Variants in ZAN observed in about 807,000 individuals in gnomAD.
The protein encoded by ZAN is zonadhesin.
A neutral mutation model predicts 286.2 loss-of-function variants in ZAN; 260 were observed. That is an observed-to-expected ratio of 0.91 (90% CI 0.82 to 1.01). The LOEUF (loss-of-function observed/expected upper bound fraction) is 1.01, where lower values mean the gene tolerates loss of function less well. Ranked by LOEUF, ZAN falls within the 50% of genes least tolerant of loss-of-function variation. The probability of loss-of-function intolerance (pLI) is 0.00; values close to 1 mark genes in which losing one functional copy is unlikely to be tolerated. For synonymous variants in ZAN, 1,368 were observed against 1,417.5 expected (o/e 0.97, Z 0.79); for missense variants, 3,410 against 3,639.2 (o/e 0.94, Z 1.62).
chr7:100,751,448 T>C (rs970349901), intron 13 of ZAN, among the ~76,000 whole-genome samples, 182 bp downstream of exon 13: 3 of 152,222 alleles, frequency 2.0e-5, no homozygotes, highest in Non-Finnish European at 4.4e-5. Flanking sequence ...CCTGGGTGAA[T>C]GTGGCTTCGA....
At position 100,737,346 on chromosome 7, in the gene ZAN, C is replaced by T. The variant is rs267601184; in HGVS notation, c.610C>T (p.Arg204Cys). 3 of 1,459,656 alleles carry T rather than the reference C, an allele frequency of 2.1e-6. No individual in the cohort carries two copies. The highest frequency in any genetic ancestry group is 2.4e-5 in the South Asian group (2 of 82,122). The allele number at this position is 1,459,656 out of a possible 1,614,324, so 90.4% of individuals were successfully genotyped here. ...ALSIRRGSCN[R>C]VCMMQTCSFD... is the part of the protein sequence containing the mutation. ...CTCTATCCGCCGGGGCTCCTGTAAT[C>T]GCGGTGAGTCCCTGTCCCTCCTCCC... Residue 204 changes from arginine (R) to cysteine (C), a missense_variant, in exon 6 of 48, where the codon CGC becomes TGC. Around this residue, in one of 7 missense-constraint regions of ZAN, gnomAD observed 872 missense variants for 938.9 expected, o/e 0.93. Coordinates refer to ENST00000613979, the MANE Select transcript of ZAN (RefSeq NM_003386.3).
At position 100,797,365 on chromosome 7, in the gene ZAN, G is replaced by C; in HGVS notation, c.8267-1G>C. 1 of 1,613,680 alleles carries C rather than the reference G, an allele frequency of 6.2e-7. No individual in the cohort carries two copies. The highest frequency in any genetic ancestry group is 8.5e-7 in the Non-Finnish European group (1 of 1,179,716). Reference sequence around the variant, plus strand: ...TAATGTCTCTTCCCCGCACCCAGAAGCATCTAACCTGGTGGGCGTCCTACT... The same window carrying C: ...TAATGTCTCTTCCCCGCACCCAGAACCATCTAACCTGGTGGGCGTCCTACT... On this transcript the variant is annotated splice_acceptor_variant, in intron 45 of 47. Coordinates refer to ENST00000613979, the MANE Select transcript of ZAN (RefSeq NM_003386.3). LOFTEE classifies it high-confidence loss of function.
At chr7:100,793,196 G>A (rs185212891) in intron 42 of ZAN, among the ~76,000 whole-genome samples, 214 of 151,138 alleles carry the variant, frequency 1.4e-3, no homozygotes, top group Admixed American at 2.4e-3. Context: ...CAAATTGGCC[G>A]GGTGTGGTGG....
chr7:100,760,352 C>T, intron 18 of ZAN, 39 bp from the exon 19 acceptor site: 1 of 1,606,368 alleles, frequency 6.2e-7, no homozygotes, highest in Admixed American at 1.7e-5. Context: ...TCCTTGACCC[C>T]CAGCTCTGTC....
intron 42 of ZAN, chr7:100,792,694 C>A (rs1812069414): frequency 7.9e-7 from 1 of 1,273,054 alleles, no homozygotes; most frequent in Non-Finnish European, 1.0e-6. Context: ...CAAGTCAGCA[C>A]AACCGGCAGC....
chr7:100,756,708 T>G (rs2115903646), intron 15 of ZAN, among the ~76,000 whole-genome samples: 1 of 152,160 alleles, frequency 6.6e-6, no homozygotes, highest in South Asian at 2.1e-4. Flanking sequence ...GTTTTTTTTT[T>G]TTTGACAAAC....
chr7:100,753,657 C>T (rs978271018), intron 14 of ZAN, among the ~76,000 whole-genome samples: 2 of 142,666 alleles, frequency 1.4e-5, no homozygotes, highest in African/African-American at 5.1e-5. Flanking sequence ...ACCCTGTCTC[C>T]ACTTTAAAAT....
intron 37 of ZAN, 83 bp from the exon 38 acceptor site, chr7:100,787,806 C>T: frequency 7.4e-7 from 1 of 1,347,726 alleles, no homozygotes; most frequent in Non-Finnish European, 9.7e-7. Context: ...AGGTCATCCA[C>T]CCGCCTTGGC....
rs540317881 is a variant in ZAN at position 100,792,757 on chromosome 7, C to T, written c.7787+278C>T. On this transcript the variant is annotated intron_variant, in intron 42 of 47. Coordinates refer to ENST00000613979, the MANE Select transcript of ZAN (RefSeq NM_003386.3). ...AGCCTCCCAACCCCATCCCGCATCC[C>T]GCTCCTTCCTGCCAAGGTCCACCTT... Among the ~76,000 whole-genome samples the T allele has an allele frequency of 6.6e-4, 101 of 152,124 alleles. 1 individual carries two copies. Among genetic ancestry groups the T allele is most frequent in the African/African-American group, 2.3e-3 (97 of 41,522 alleles).
At chr7:100,739,464 T>C (rs1807591103) in intron 7 of ZAN, among the ~76,000 whole-genome samples, 1 of 137,254 alleles carries the variant, frequency 7.3e-6, no homozygotes, top group African/African-American at 2.6e-5. Flanking sequence ...AATATAGTTA[T>C]AAAGTGAGCG....
rs71517126 is a variant in ZAN at position 100,758,085 on chromosome 7, CAAATAAATAAATAAATAAATAAAT to C, written c.3310-96_3310-73del. On this transcript the variant is annotated intron_variant, in intron 15 of 47. Coordinates refer to ENST00000613979, the MANE Select transcript of ZAN (RefSeq NM_003386.3). The stretch of plus-strand genomic sequence containing the variant: ...TGGGCAACAGAGCAAGACTCCATCA[CAAATAAATAAATAAATAAATAAAT>C]AAATAAATAAATAAATAAATGAAAA... The C allele has an allele frequency of 7.0e-3, 5,592 of 795,864 alleles. 313 individuals carry two copies. The highest frequency in any genetic ancestry group is 6.2e-3 in the Non-Finnish European group (3,922 of 631,136). The allele number at this position is 795,864 out of a possible 1,614,324, so 49.3% of individuals were successfully genotyped here. A position where few individuals can be genotyped will look rare whatever the true frequency, so the allele number is the denominator to read the frequency against.
intron 34 of ZAN, 102 bp from the exon 35 acceptor site, chr7:100,779,344 C>A: frequency 8.0e-7 from 1 of 1,246,954 alleles, no homozygotes; most frequent in Non-Finnish European, 1.1e-6. Flanking sequence ...TTGCATTGCA[C>A]TCCAGCCTGG....
At position 100,767,066 on chromosome 7, in the gene ZAN, T is replaced by TTGCACCACTTCATGGGCACC; in HGVS notation, c.4676_4695dup (p.Tyr1566ThrfsTer10). ...CCACTACCTGACCTTCGATGGCGCC[T>TTGCACCACTTCATGGGCACC]TGCACCACTTCATGGGCACCTGCAC... is the stretch of plus-strand genomic sequence containing the variant. On this transcript the variant is annotated frameshift_variant, in exon 25 of 48. Coordinates refer to ENST00000613979, the MANE Select transcript of ZAN (RefSeq NM_003386.3). LOFTEE classifies it high-confidence loss of function. 1 of 1,613,798 alleles carries TTGCACCACTTCATGGGCACC rather than the reference T, an allele frequency of 6.2e-7. No homozygotes were observed. Among genetic ancestry groups the TTGCACCACTTCATGGGCACC allele is most frequent in the Non-Finnish European group, 8.5e-7 (1 of 1,179,818 alleles).
chr7:100,733,664 T>C lies in ZAN; in HGVS notation c.-143+16T>C, dbSNP rs1026563559. On this transcript the variant is annotated intron_variant, in intron 1 of 47. Coordinates refer to ENST00000613979, the MANE Select transcript of ZAN (RefSeq NM_003386.3). ...CTGATCCTTGGTATATGACTTGTTA[T>C]TTTCTATCTGAAAGTGTTTCAGATC... The C allele has an allele frequency of 2.8e-5, 4 of 142,704 alleles. 1 individual carries two copies. Among genetic ancestry groups the C allele is most frequent in the African/African-American group, 5.1e-5 (2 of 38,960 alleles). 8.8% of individuals were successfully genotyped at this position (142,704 alleles called of 1,614,324 possible). A position where few individuals can be genotyped will look rare whatever the true frequency, so the allele number is the denominator to read the frequency against.
At position 100,734,132 on chromosome 7, in the gene ZAN, T is replaced by C. The variant is rs1399084504; in HGVS notation, c.-37T>C. On this transcript the variant is annotated 5_prime_UTR_variant, in exon 2 of 48. Transcript: ENST00000613979. ...GGAGTCCAGGCTCCCAACTGTGCCCTTCCCCTCTCCCCTGGGAGCAACCAC... is the reference window on the plus strand; with the variant it reads ...GGAGTCCAGGCTCCCAACTGTGCCCCTCCCCTCTCCCCTGGGAGCAACCAC... 2.9e-6 allele frequency: 4 copies of C among 1,366,444 alleles called. No homozygotes were observed. In the African/African-American group the frequency reaches 6.0e-5, roughly 20 times the overall value. 84.6% of individuals were successfully genotyped at this position (1,366,444 alleles called of 1,614,324 possible). A position where few individuals can be genotyped will look rare whatever the true frequency, so the allele number is the denominator to read the frequency against.
intron 35 of ZAN, among the ~76,000 whole-genome samples, chr7:100,783,096 C>T (rs1304459899): frequency 2.0e-5 from 3 of 151,714 alleles, no homozygotes; most frequent in African/African-American, 7.3e-5. Context: ...GGCAAAACCC[C>T]ATCTCTACTA....
chr7:100,766,964 G>A (rs749077674), intron 24 of ZAN, 46 bp from the exon 25 acceptor site: 39 of 1,604,078 alleles, frequency 2.4e-5, no homozygotes, highest in South Asian at 1.2e-4. Flanking sequence ...CAAAGCTTCC[G>A]GGGCATGGAG....
chr7:100,786,045 A>T lies in ZAN; in HGVS notation c.6883A>T (p.Thr2295Ser). Residue 2295 changes from threonine to serine, a missense_variant, in exon 37 of 48, where the codon ACG becomes TCG. Thr to Ser is a moderately conservative substitution (Grantham distance 58). Coordinates refer to ENST00000613979, the MANE Select transcript of ZAN (RefSeq NM_003386.3). The part of the protein sequence containing the change: ...SSGCTEKCVC[T>S]GGAIQCGDFR... Reference sequence around the variant, plus strand: ...CGGTTGCACGGAGAAGTGTGTCTGCACGGGAGGAGCCATTCAGTGCGGGGA... The same window carrying T: ...CGGTTGCACGGAGAAGTGTGTCTGCTCGGGAGGAGCCATTCAGTGCGGGGA... 6.2e-7 allele frequency: 1 copy of T among 1,613,950 alleles called. No homozygotes were observed. Among genetic ancestry groups the T allele is most frequent in the Non-Finnish European group, 8.5e-7 (1 of 1,179,890 alleles).
chr7:100,768,508 G>A (rs1485451174), intron 26 of ZAN, 102 bp from the exon 27 acceptor site: 8 of 945,608 alleles, frequency 8.5e-6, no homozygotes, highest in Non-Finnish European at 1.3e-5. Context: ...GGTTAACCTT[G>A]CTATGTAGAA....
Sources: allele counts gnomAD v4.1 joint callset (sites outside exome capture counted in the v4.1 genomes callset), GRCh38; gene constraint gnomAD v4.1.1; regional missense constraint gnomAD v4.1.1; transcripts MANE v1.5; gene names NCBI Gene and HGNC (gene_info 2026-07-23, HGNC 2026-07-21).